FOXP1: variants seen among roughly 807,000 people sequenced by gnomAD.
The protein encoded by FOXP1 is forkhead box P1.
Under a neutral mutation model 98.2 loss-of-function variants are expected in FOXP1, and 15 were observed. That is an observed-to-expected ratio of 0.15 (90% CI 0.10 to 0.24). The LOEUF is 0.24. FOXP1 is among the 10% of genes least tolerant of loss of function. The pLI, the probability that FOXP1 is intolerant of heterozygous loss-of-function variation, is 1.00. For missense variants in FOXP1, 633 were observed against 848.5 expected, an observed-to-expected ratio of 0.75 and a Z score of 3.15; for synonymous variants, 371 against 314.5, an observed-to-expected ratio of 1.18 and a Z score of -1.90.
At chr3:71,106,857 TC>T (rs2057483764) in intron 7 of FOXP1, among the ~76,000 whole-genome samples, 1 of 151,492 alleles carries the variant, frequency 6.6e-6, no homozygotes, top group Non-Finnish European at 1.5e-5. Context: ...CATTGTAGCC[TC>T]TACCTCCTGG....
chr3:71,272,851 C>T (rs538997006), intron 5 of FOXP1, among the ~76,000 whole-genome samples: 11 of 152,076 alleles, frequency 7.2e-5, no homozygotes, highest in Admixed American at 2.6e-4. Context: ...CATCTCTTCC[C>T]GAACTGCTAG....
chr3:71,241,522 CT>C (rs2067280886), intron 5 of FOXP1, among the ~76,000 whole-genome samples: 1 of 152,174 alleles, frequency 6.6e-6, no homozygotes, highest in South Asian at 2.1e-4. Context: ...ATAATGAATC[CT>C]TTAAATGTTA....
chr3:71,217,113 C>A (rs1010329109), intron 5 of FOXP1, among the ~76,000 whole-genome samples: 54 of 152,180 alleles, frequency 3.5e-4, no homozygotes, highest in Non-Finnish European at 8.8e-5. Context: ...CATTCTGTCA[C>A]CCAGGCTGGA....
intron 6 of FOXP1, among the ~76,000 whole-genome samples, chr3:71,184,273 G>A (rs1229655324): frequency 6.6e-6 from 1 of 152,172 alleles, no homozygotes; most frequent in African/African-American, 2.4e-5. Context: ...AAAGGGTGTG[G>A]CTGTTTTAAG....
chr3:71,536,235 C>G (rs186959556), intron 2 of FOXP1, among the ~76,000 whole-genome samples: 1 of 152,160 alleles, frequency 6.6e-6, no homozygotes, highest in East Asian at 1.9e-4. Flanking sequence ...CAAAGACACC[C>G]TACAAGGAGT....
chr3:70,979,692 A>G (rs934856380), intron 14 of FOXP1, among the ~76,000 whole-genome samples: 6 of 151,938 alleles, frequency 3.9e-5, no homozygotes, highest in African/African-American at 1.4e-4. Context: ...ATTAAAAATG[A>G]GATTCCTCTG....
chr3:71,412,854 G>T (rs760569911), intron 3 of FOXP1, among the ~76,000 whole-genome samples: 51 of 152,082 alleles, frequency 3.4e-4, no homozygotes, highest in South Asian at 4.1e-4. Context: ...AAACACATTT[G>T]GGGGTGAATA....
At chr3:71,065,206 G>C (rs1455626566) in intron 7 of FOXP1, among the ~76,000 whole-genome samples, 1 of 151,864 alleles carries the variant, frequency 6.6e-6, no homozygotes, top group Non-Finnish European at 1.5e-5. Flanking sequence ...TCCGGCTGAC[G>C]TCTGGGTCGG....
At chr3:71,404,336 A>G (rs1429726437) in intron 3 of FOXP1, among the ~76,000 whole-genome samples, 2 of 151,698 alleles carry the variant, frequency 1.3e-5, no homozygotes, top group African/African-American at 4.8e-5. Context: ...CATGTTGGCC[A>G]GGCTGGTCTC....
chr3:71,035,802 C>G (rs572245437), intron 11 of FOXP1, among the ~76,000 whole-genome samples: 1 of 152,064 alleles, frequency 6.6e-6, no homozygotes, highest in Non-Finnish European at 1.5e-5. Context: ...AGGAAAAACT[C>G]TTCAAAATAA....
At chr3:71,582,732 C>A in intron 1 of FOXP1, 1 of 985,262 alleles carries the variant, frequency 1.0e-6, no homozygotes, top group Non-Finnish European at 1.2e-6. Flanking sequence ...GCGGACTCGT[C>A]TCGGGAAAGC....
intron 5 of FOXP1, among the ~76,000 whole-genome samples, chr3:71,229,500 G>A (rs1340189104): frequency 2.6e-5 from 4 of 152,214 alleles, no homozygotes; most frequent in South Asian, 4.1e-4. Context: ...TGCTTGAAGC[G>A]TAACCCTATG....
intron 4 of FOXP1, among the ~76,000 whole-genome samples, chr3:71,307,645 C>A (rs1175167139): frequency 6.6e-6 from 1 of 152,122 alleles, no homozygotes; most frequent in Non-Finnish European, 1.5e-5. Flanking sequence ...AACCACAAAA[C>A]AAAATTTAAT....
chr3:71,563,708 CA>C (rs1311003762), intron 2 of FOXP1, among the ~76,000 whole-genome samples: 2 of 152,208 alleles, frequency 1.3e-5, no homozygotes, highest in Non-Finnish European at 2.9e-5. Flanking sequence ...ACTCTATAAA[CA>C]GGGTGTGAAT....
chr3:71,516,409 CATTA>C (rs1337808960), intron 2 of FOXP1, among the ~76,000 whole-genome samples: 1 of 152,142 alleles, frequency 6.6e-6, no homozygotes, highest in African/African-American at 2.4e-5. Flanking sequence ...GGAATTCTTG[CATTA>C]TTCTTGCAAC....
chr3:71,099,776 C>T (rs1476117526), intron 7 of FOXP1, among the ~76,000 whole-genome samples: 1 of 152,164 alleles, frequency 6.6e-6, no homozygotes, highest in East Asian at 1.9e-4. Flanking sequence ...AATGCTGCCT[C>T]CTCCCCCAAC....
At chr3:71,417,560 T>A (rs2083307350) in intron 3 of FOXP1, among the ~76,000 whole-genome samples, 2 of 9,022 alleles carry the variant, frequency 2.2e-4, no homozygotes, top group South Asian at 0.059. Flanking sequence ...ATGGAGCTTC[T>A]TGTGATTTTT....
chr3:70,968,701 T>G (rs925333568), intron 19 of FOXP1: 3 of 152,208 alleles, frequency 2.0e-5, no homozygotes, highest in African/African-American at 7.2e-5. Flanking sequence ...ATTTTATATA[T>G]TGTATATCAT....
intron 5 of FOXP1, among the ~76,000 whole-genome samples, chr3:71,276,836 G>C (rs192018979): frequency 6.6e-6 from 1 of 151,934 alleles, no homozygotes; most frequent in Admixed American, 6.6e-5. Context: ...CAGTGGTACA[G>C]AACAACAGAA....
Sources: allele counts gnomAD v4.1 joint callset (sites outside exome capture counted in the v4.1 genomes callset), GRCh38; gene constraint gnomAD v4.1.1; transcripts MANE v1.5; gene names NCBI Gene and HGNC (gene_info 2026-07-23, HGNC 2026-07-21).